The following RNF175 variants were observed in gnomAD, a reference collection of about 807,000 sequenced individuals.
RNF175 encodes ring finger protein 175.
In RNF175, 38 loss-of-function variants were observed where a neutral mutation model predicts 50.0. The observed-to-expected ratio is 0.76, with a 90% confidence interval of 0.59 to 1.00. The LOEUF (loss-of-function observed/expected upper bound fraction) is 1.00. RNF175 is among the 50% of genes least tolerant of loss of function. RNF175 has a pLI of 0.00. For synonymous variants in RNF175, 155 were observed against 146.1 expected (o/e 1.06, Z -0.44); for missense variants, 388 against 409.6 (o/e 0.95, Z 0.46).
chr4:153,759,506 A>C (rs1241389734), intron 1 of RNF175, among the ~76,000 whole-genome samples: 1 of 152,066 alleles, frequency 6.6e-6, no homozygotes, highest in African/African-American at 2.4e-5. Flanking sequence ...TGGAAGAGAA[A>C]GTGCGAGGAT....
At chr4:153,726,510 A>G (rs1324145648) in intron 4 of RNF175, among the ~76,000 whole-genome samples, 1 of 152,210 alleles carries the variant, frequency 6.6e-6, no homozygotes, top group African/African-American at 2.4e-5. Flanking sequence ...CAAGAGCTTG[A>G]TGTGCTCTCA....
chr4:153,727,320 C>T (rs1388020267), intron 4 of RNF175, among the ~76,000 whole-genome samples: 1 of 152,064 alleles, frequency 6.6e-6, no homozygotes, highest in African/African-American at 2.4e-5. Context: ...TGGAACTGAA[C>T]TAAAATACTC....
At chr4:153,754,270 G>T (rs1207589120) in intron 1 of RNF175, among the ~76,000 whole-genome samples, 1 of 152,164 alleles carries the variant, frequency 6.6e-6, no homozygotes, top group African/African-American at 2.4e-5. Flanking sequence ...GGACTGGCAG[G>T]TTGGGGAGAA....
chr4:153,748,583 A>G (rs1362433768), intron 3 of RNF175, 62 bp downstream of exon 3: 21 of 1,436,964 alleles, frequency 1.5e-5, no homozygotes, highest in Non-Finnish European at 2.0e-5. Context: ...CATGTCCTGG[A>G]AAAAAACAGT....
chr4:153,724,383 T>C (rs1738544197), intron 4 of RNF175, among the ~76,000 whole-genome samples: 1 of 152,228 alleles, frequency 6.6e-6, no homozygotes, highest in African/African-American at 2.4e-5. Flanking sequence ...TGGGGGCTTA[T>C]CTTTGTTGCT....
chr4:153,759,762 T>A, intron 1 of RNF175, 35 bp downstream of exon 1: 1 of 1,396,488 alleles, frequency 7.2e-7, no homozygotes, highest in Non-Finnish European at 9.5e-7. Context: ...GACCCCGGCC[T>A]GGCGTCCCCC....
Position 153,747,593 on chromosome 4 carries a change from C to G in RNF175, c.246+1052G>C, listed in dbSNP as rs1740043801. The stretch of plus-strand genomic sequence containing the variant: ...GTTCATATTTCTACCAACATTCTGA[C>G]CATGACCACTTAAGTGATCGCTAAA... On this transcript the variant is annotated intron_variant, in intron 3 of 8. Coordinates refer to ENST00000347063, the MANE Select transcript of RNF175 (RefSeq NM_173662.4). 2.6e-5 allele frequency among the ~76,000 whole-genome samples: 4 copies of G among 152,208 alleles called. No individual in the cohort carries two copies. The South Asian group carries it at 8.3e-4, about 31-fold the overall frequency.
intron 3 of RNF175, among the ~76,000 whole-genome samples, chr4:153,747,097 G>T (rs189446929): frequency 7.9e-5 from 12 of 152,280 alleles, no homozygotes; most frequent in African/African-American, 2.6e-4. Flanking sequence ...CTGGGCTTGT[G>T]ATGGGAGGGG....
intron 3 of RNF175, among the ~76,000 whole-genome samples, chr4:153,730,142 A>C (rs1738946560): frequency 6.6e-6 from 1 of 152,226 alleles, no homozygotes; most frequent in African/African-American, 2.4e-5. Context: ...TGCTATTGAC[A>C]GTAAAAGTAT....
intron 3 of RNF175, among the ~76,000 whole-genome samples, chr4:153,747,965 T>C (rs1220549087): frequency 6.6e-6 from 1 of 152,192 alleles, no homozygotes; most frequent in African/African-American, 2.4e-5. Flanking sequence ...CTTCTTGCTG[T>C]GTCATCTCAT....
intron 1 of RNF175, among the ~76,000 whole-genome samples, chr4:153,756,714 A>G (rs1393895639): frequency 6.6e-6 from 1 of 152,224 alleles, no homozygotes; most frequent in Non-Finnish European, 1.5e-5. Flanking sequence ...GTTCTCATGA[A>G]TAGGACCTTG....
At chr4:153,722,886 T>C (rs1738436109) in intron 5 of RNF175, among the ~76,000 whole-genome samples, 1 of 152,188 alleles carries the variant, frequency 6.6e-6, no homozygotes. Context: ...TGAAATTCAG[T>C]ATGTATTTTA....
intron 2 of RNF175, among the ~76,000 whole-genome samples, chr4:153,749,010 G>A (rs1460217186): frequency 6.6e-6 from 1 of 152,168 alleles, no homozygotes; most frequent in African/African-American, 2.4e-5. Flanking sequence ...GCTGGGAGGA[G>A]GAGCCTGACT....
intron 3 of RNF175, among the ~76,000 whole-genome samples, chr4:153,729,042 G>T (rs1044195860): frequency 2.0e-5 from 3 of 152,194 alleles, no homozygotes; most frequent in Non-Finnish European, 4.4e-5. Context: ...GAGCAGGGCA[G>T]AGTGAACTGA....
chr4:153,743,863 G>A (rs1429630493), intron 3 of RNF175, among the ~76,000 whole-genome samples: 1 of 152,184 alleles, frequency 6.6e-6, no homozygotes, highest in African/African-American at 2.4e-5. Context: ...GATGACTCCA[G>A]CTAACTAACA....
At position 153,748,654 on chromosome 4, in the gene RNF175, T is replaced by G. The variant is rs769961070; in HGVS notation, c.237A>C (p.Arg79=). 1.9e-5 allele frequency: 30 copies of G among 1,589,766 alleles called. No individual in the cohort carries two copies. The highest frequency in any genetic ancestry group is 4.0e-5 in the African/African-American group (3 of 74,170). ...VLVQWRQRHG[R]SYNLVTLLQM... ...CACGGGGATGACTCACATTGTAGGATCGGCCATGCCTCTGTCTCCACTGAA... is the reference window on the plus strand; with the variant it reads ...CACGGGGATGACTCACATTGTAGGAGCGGCCATGCCTCTGTCTCCACTGAA... The change falls in exon 3 of 9, where the codon CGA becomes CGC. Residue 79 remains arginine, a synonymous_variant. Coordinates refer to ENST00000347063, the MANE Select transcript of RNF175 (RefSeq NM_173662.4).
intron 3 of RNF175, among the ~76,000 whole-genome samples, chr4:153,742,794 T>C (rs1739743234): frequency 6.6e-6 from 1 of 150,522 alleles, no homozygotes; most frequent in African/African-American, 2.4e-5. Flanking sequence ...TAGTAATTTA[T>C]ATATAGTAAT....
chr4:153,733,931 A>T (rs1739188671), intron 3 of RNF175, among the ~76,000 whole-genome samples: 1 of 152,192 alleles, frequency 6.6e-6, no homozygotes. Flanking sequence ...TGGTTTTCAG[A>T]ATGTCATATA....
chr4:153,712,534 T>C lies in RNF175; in HGVS notation c.807A>G (p.Lys269=). 6.2e-7 allele frequency: 1 copy of C among 1,613,498 alleles called. No individual in the cohort carries two copies. The highest frequency in any genetic ancestry group is 8.5e-7 in the Non-Finnish European group (1 of 1,179,558). ...CTTTGCAGTAAGGGCAAGTCTGCTT[T>C]TTCCCAACGATACACCAACCTCGGA... The part of the protein sequence containing the change: ...FCIRGWCIVG[K]KQTCPYCKEK... The change falls in exon 8 of 9, where the codon AAA becomes AAG. Residue 269 remains lysine, a synonymous_variant. Transcript: ENST00000347063.
Sources: allele counts gnomAD v4.1 joint callset (sites outside exome capture counted in the v4.1 genomes callset), GRCh38; gene constraint gnomAD v4.1.1; transcripts MANE v1.5; gene names NCBI Gene and HGNC (gene_info 2026-07-23, HGNC 2026-07-21).